CFTR: variants seen among roughly 807,000 people sequenced by gnomAD.
CFTR encodes CF transmembrane conductance regulator, also known as cystic fibrosis transmembrane conductance regulator.
CFTR carries 181 observed loss-of-function variants against 171.6 expected under a neutral mutation model. The ratio of observed to expected loss-of-function variants is 1.05; its 90% confidence interval spans 0.93 to 1.19. The LOEUF (loss-of-function observed/expected upper bound fraction) is 1.19. Among genes scored for constraint, CFTR ranks in the 50% most tolerant of loss-of-function variants. The pLI is 0.00. For missense variants in CFTR, 1,968 were observed against 1,734.7 expected (o/e 1.13, Z -2.39); for synonymous variants, 583 against 608.0 (o/e 0.96, Z 0.60).
intron 3 of CFTR, among the ~76,000 whole-genome samples, chr7:117,528,119 A>G (rs923160502): frequency 1.5e-5 from 2 of 133,476 alleles, no homozygotes; most frequent in African/African-American, 2.8e-5. Context: ...AAACTATACT[A>G]CAAGGCTACA....
At chr7:117,530,324 G>T (rs573719293) in intron 3 of CFTR, among the ~76,000 whole-genome samples, 28 of 152,212 alleles carry the variant, frequency 1.8e-4, no homozygotes, top group African/African-American at 5.8e-4. Flanking sequence ...CCCATTCCCA[G>T]CTCTGCTTTG....
intron 20 of CFTR, among the ~76,000 whole-genome samples, chr7:117,612,057 A>ATG: frequency 1.1e-5 from 1 of 94,766 alleles, no homozygotes; most frequent in East Asian, 2.4e-4. Flanking sequence ...ATATATACAT[A>ATG]TATATATATA....
At chr7:117,584,747 G>C (rs1791904376) in intron 11 of CFTR, among the ~76,000 whole-genome samples, 1 of 152,002 alleles carries the variant, frequency 6.6e-6, no homozygotes, top group African/African-American at 2.4e-5. Context: ...TGAATTTGTA[G>C]ATTGCTTTTG....
At chr7:117,649,497 GTA>G (rs755073383) in intron 23 of CFTR, among the ~76,000 whole-genome samples, 3,254 of 139,154 alleles carry the variant, frequency 0.023, 95 homozygotes, top group South Asian at 0.12. Context: ...GTGTGTGTGT[GTA>G]TATATATATA....
chr7:117,485,295 C>A (rs530240772), intron 1 of CFTR, among the ~76,000 whole-genome samples: 1 of 152,274 alleles, frequency 6.6e-6, no homozygotes, highest in Non-Finnish European at 1.5e-5. Context: ...TCTGACTCAG[C>A]AGCAATTTTG....
At chr7:117,531,591 T>C (rs1474376587) in intron 4 of CFTR, among the ~76,000 whole-genome samples, 5 of 152,202 alleles carry the variant, frequency 3.3e-5, no homozygotes, top group African/African-American at 1.2e-4. Context: ...GTTGGATTTT[T>C]ATCATCCTAT....
At chr7:117,596,627 A>T (rs189851290) in intron 15 of CFTR, among the ~76,000 whole-genome samples, 1,581 of 152,332 alleles carry the variant, frequency 0.01, 12 homozygotes, top group Non-Finnish European at 0.016. Flanking sequence ...GATTGTAAAT[A>T]CACCAATCAG....
intron 15 of CFTR, among the ~76,000 whole-genome samples, chr7:117,598,356 A>G (rs995217552): frequency 6.6e-6 from 1 of 152,192 alleles, no homozygotes; most frequent in African/African-American, 2.4e-5. Context: ...TAAATGACCC[A>G]GAAAAAGAAC....
At chr7:117,603,461 C>G in intron 16 of CFTR, 71 bp from the exon 17 acceptor site, 1 of 1,568,744 alleles carries the variant, frequency 6.4e-7, no homozygotes, top group Non-Finnish European at 8.8e-7. Context: ...AAGTTTAGTT[C>G]CATTTACATG....
At chr7:117,645,780 T>C (rs899360040) in intron 23 of CFTR, among the ~76,000 whole-genome samples, 2 of 152,160 alleles carry the variant, frequency 1.3e-5, no homozygotes, top group Non-Finnish European at 2.9e-5. Flanking sequence ...TATCTTAGAG[T>C]AATCCTTGTA....
intron 3 of CFTR, among the ~76,000 whole-genome samples, chr7:117,515,531 C>T (rs1584778858): frequency 6.6e-6 from 1 of 152,060 alleles, no homozygotes; most frequent in African/African-American, 2.4e-5. Flanking sequence ...TCGTACCAGT[C>T]CCATGCTGTT....
intron 22 of CFTR, among the ~76,000 whole-genome samples, chr7:117,629,860 G>T (rs1349095039): frequency 6.6e-6 from 1 of 152,146 alleles, no homozygotes; most frequent in Non-Finnish European, 1.5e-5. Context: ...TATTACATTT[G>T]ATCTTATTAT....
At chr7:117,522,821 A>G (rs1798704260) in intron 3 of CFTR, among the ~76,000 whole-genome samples, 2 of 152,128 alleles carry the variant, frequency 1.3e-5, no homozygotes, top group Non-Finnish European at 2.9e-5. Flanking sequence ...ATCAGTTACC[A>G]GTGTTTTTTC....
chr7:117,650,595 G>T (rs549572483), intron 23 of CFTR, among the ~76,000 whole-genome samples: 37 of 151,958 alleles, frequency 2.4e-4, no homozygotes, highest in Non-Finnish European at 3.5e-4. Context: ...CCATCCTCCC[G>T]CAGTCCTCCA....
chr7:117,600,567 T>C (rs1365332675), intron 15 of CFTR, among the ~76,000 whole-genome samples: 1 of 152,040 alleles, frequency 6.6e-6, no homozygotes, highest in African/African-American at 2.4e-5. Flanking sequence ...ACAGTAGATA[T>C]GTAGTATATT....
intron 3 of CFTR, among the ~76,000 whole-genome samples, chr7:117,522,246 C>T (rs1798696330): frequency 6.6e-6 from 1 of 152,218 alleles, no homozygotes; most frequent in Admixed American, 6.5e-5. Context: ...AGGGCTAGGA[C>T]AATTACCCAA....
At chr7:117,526,012 G>A (rs1338200117) in intron 3 of CFTR, among the ~76,000 whole-genome samples, 26 of 148,676 alleles carry the variant, frequency 1.7e-4, no homozygotes, top group African/African-American at 6.1e-4. Context: ...ATTTTGCAGT[G>A]GCTGGTACTG....
chr7:117,606,857 G>A, intron 18 of CFTR, 104 bp downstream of exon 18: 1 of 781,280 alleles, frequency 1.3e-6, no homozygotes. Flanking sequence ...GAGGGTTGAA[G>A]TCCTGTCTAT....
intron 3 of CFTR, 54 bp from the exon 4 acceptor site, chr7:117,530,845 G>C: frequency 5.8e-6 from 7 of 1,201,910 alleles, no homozygotes; most frequent in Non-Finnish European, 8.6e-6. Flanking sequence ...AATTCTCAGG[G>C]TATTTTATGA....
Sources: gnomAD v4.1 joint callset for allele counts (sites outside exome capture counted in the v4.1 genomes callset) on GRCh38, gnomAD v4.1.1 for gene constraint, MANE v1.5 for transcripts, NCBI Gene and HGNC (gene_info 2026-07-23, HGNC 2026-07-21) for gene names.